Variants in DCAF17 observed in about 807,000 individuals in gnomAD.
The protein encoded by DCAF17 is DDB1 and CUL4 associated factor 17.
In DCAF17, 48 loss-of-function variants were observed where a neutral mutation model predicts 66.0. The ratio of observed to expected loss-of-function variants is 0.73; its 90% CI spans 0.58 to 0.92. The LOEUF is 0.92. DCAF17 is among the 40% of genes least tolerant of loss of function. The probability of loss-of-function intolerance (pLI) is 0.00; values close to 1 mark genes in which losing one functional copy is unlikely to be tolerated. For missense variants in DCAF17, 562 were observed against 622.8 expected (o/e 0.90, Z 1.04); for synonymous variants, 206 against 214.6 (o/e 0.96, Z 0.35).
intron 9 of DCAF17, chr2:171,472,963 A>G (rs1309520390): frequency 7.0e-6 from 2 of 283,780 alleles, no homozygotes; most frequent in Admixed American, 5.1e-5. Flanking sequence ...AAGGTAATAC[A>G]TTTGTGTACA....
chr2:171,476,402 G>A (rs1267884684), intron 10 of DCAF17, among the ~76,000 whole-genome samples: 1 of 152,042 alleles, frequency 6.6e-6, no homozygotes, highest in African/African-American at 2.4e-5. Context: ...TTCTATTTAG[G>A]TATAGATTTA....
intron 9 of DCAF17, among the ~76,000 whole-genome samples, chr2:171,469,599 G>C (rs1696123780): frequency 6.6e-6 from 1 of 152,152 alleles, no homozygotes; most frequent in Non-Finnish European, 1.5e-5. Context: ...CTTAGGCGTT[G>C]ATTTGTCATT....
chr2:171,458,124 C>G lies in DCAF17; in HGVS notation c.732+49C>G, dbSNP rs531473523. ...TGTTACTATTAGCATGAGTTTTCGA[C>G]TAAAGTATGATTTTTTTTTTTAGTG... is the stretch of plus-strand genomic sequence containing the variant. On this transcript the variant is annotated intron_variant, in intron 7 of 13. Coordinates refer to ENST00000375255, the MANE Select transcript of DCAF17 (RefSeq NM_025000.4). 4 of 1,513,052 alleles carry G rather than the reference C, an allele frequency of 2.6e-6. No homozygotes were observed. In the African/African-American group the frequency reaches 4.2e-5, roughly 16 times the overall value. The allele number at this position is 1,513,052 out of a possible 1,614,324, so 93.7% of individuals were successfully genotyped here.
At position 171,481,117 on chromosome 2, in the gene DCAF17, AGAGT is replaced by A; in HGVS notation, c.*7_*10del. ...AAACCATAAACAGAAGCTGTTAAAA[AGAGT>A]GAGATAATTGTAACCTAAGAGACTT... On this transcript the variant is annotated 3_prime_UTR_variant, in exon 14 of 14. Transcript: ENST00000375255. 3 of 1,613,522 alleles carry A rather than the reference AGAGT, an allele frequency of 1.9e-6. No homozygotes were observed. Among genetic ancestry groups the A allele is most frequent in the Non-Finnish European group, 2.5e-6 (3 of 1,179,498 alleles).
At chr2:171,435,777 A>G (rs763441128) in intron 2 of DCAF17, among the ~76,000 whole-genome samples, 2 of 152,132 alleles carry the variant, frequency 1.3e-5, no homozygotes, top group Non-Finnish European at 2.9e-5. Flanking sequence ...GCATATTCTA[A>G]ACATACATCA....
chr2:171,458,134 A>ATTT, intron 7 of DCAF17, 59 bp downstream of exon 7: 18 of 1,267,880 alleles, frequency 1.4e-5, no homozygotes, highest in Admixed American at 1.8e-5. Context: ...CTAAAGTATG[A>ATTT]TTTTTTTTTT....
intron 2 of DCAF17, among the ~76,000 whole-genome samples, chr2:171,441,539 A>T (rs62183493): frequency 0.2 from 30,645 of 152,078 alleles, 3,234 homozygotes; most frequent in South Asian, 0.28. Context: ...CTGACCCAAT[A>T]CTCAGCCCCA....
intron 6 of DCAF17, among the ~76,000 whole-genome samples, chr2:171,457,288 G>GT (rs1695314983): frequency 6.6e-6 from 1 of 152,156 alleles, no homozygotes; most frequent in South Asian, 2.1e-4. Context: ...GTAATAAACT[G>GT]TTTCTATTTA....
intron 9 of DCAF17, 79 bp downstream of exon 9, chr2:171,469,109 C>G: frequency 6.7e-7 from 1 of 1,493,512 alleles, no homozygotes; most frequent in East Asian, 2.3e-5. Context: ...GGCCCACATT[C>G]CTAAGAATTA....
intron 3 of DCAF17, 107 bp from the exon 4 acceptor site, chr2:171,448,574 T>G: frequency 9.8e-7 from 1 of 1,019,554 alleles, no homozygotes; most frequent in Admixed American, 3.1e-5. Flanking sequence ...CTTTTGTGGT[T>G]TATTTATTTG....
intron 11 of DCAF17, among the ~76,000 whole-genome samples, chr2:171,477,346 A>C (rs1272624421): frequency 2.0e-5 from 3 of 152,210 alleles, no homozygotes; most frequent in African/African-American, 7.2e-5. Flanking sequence ...CACAAAGAAA[A>C]TTATGGGGAG....
rs1412719206 is a variant in DCAF17, at chr2:171,481,209, G to A, written c.*95G>A. 2 of 1,529,810 alleles carry A rather than the reference G, an allele frequency of 1.3e-6. No individual in the cohort carries two copies. Among genetic ancestry groups the A allele is most frequent in the Admixed American group, 3.4e-5 (2 of 59,280 alleles). 94.8% of individuals were successfully genotyped at this position (1,529,810 alleles called of 1,614,324 possible). A position where few individuals can be genotyped will look rare whatever the true frequency, so the allele number is the denominator to read the frequency against. The stretch of plus-strand genomic sequence containing the variant: ...TATTATCTGCATGGCACATTCTCCA[G>A]TATTTTCCAAAAAAGTCTTGTGTTG... On this transcript the variant is annotated 3_prime_UTR_variant, in exon 14 of 14. Transcript: ENST00000375255.
At position 171,483,111 on chromosome 2, in the gene DCAF17, A is replaced by G. The variant is rs1399377612; in HGVS notation, c.*1997A>G. On this transcript the variant is annotated 3_prime_UTR_variant, in exon 14 of 14. Transcript: ENST00000375255. ...AAAGATGCCAGAAGATACAGAAGAT[A>G]GCAAAGAATGTGGGGAATTTGGATA... The G allele has an allele frequency of 4.4e-6, 2 of 454,142 alleles. No homozygotes were observed. The highest frequency in any genetic ancestry group is 1.6e-5 in the South Asian group (1 of 64,478). 28.1% of individuals were successfully genotyped at this position (454,142 alleles called of 1,614,324 possible).
intron 2 of DCAF17, among the ~76,000 whole-genome samples, 176 bp downstream of exon 2, chr2:171,435,362 G>C (rs1424728314): frequency 6.6e-6 from 1 of 152,172 alleles, no homozygotes; most frequent in Non-Finnish European, 1.5e-5. Flanking sequence ...TAAATCTAAA[G>C]TTGCAGGTGT....
rs560378979 is a variant in DCAF17 at position 171,453,556 on chromosome 2, A to G, written c.627+343A>G. Among the ~76,000 whole-genome samples the G allele has an allele frequency of 7.2e-4, 109 of 152,302 alleles. 1 individual carries two copies. The highest frequency in any genetic ancestry group is 4.4e-3 in the Admixed American group (68 of 15,302). On this transcript the variant is annotated intron_variant, in intron 6 of 13. Coordinates refer to ENST00000375255, the MANE Select transcript of DCAF17 (RefSeq NM_025000.4). ...TAAAGGAAGGTGAAAAGTTGCAACAAAATATTTCATTTTAATTGCAAGATA... is the reference window on the plus strand; with the variant it reads ...TAAAGGAAGGTGAAAAGTTGCAACAGAATATTTCATTTTAATTGCAAGATA...
rs1559299470 is a variant in DCAF17 at position 171,483,878 on chromosome 2, G to A, written c.*2764G>A. 8.8e-6 allele frequency: 4 copies of A among 453,980 alleles called. No homozygotes were observed. Among genetic ancestry groups the A allele is most frequent in the East Asian group, 6.9e-5 (1 of 14,392 alleles). 28.1% of individuals were successfully genotyped at this position (453,980 alleles called of 1,614,324 possible). ...GTGGGAAACATAACCAGATTTGTTC[G>A]GCATGAACTTGTGCCAAATTTCCTC... On this transcript the variant is annotated 3_prime_UTR_variant, in exon 14 of 14. Coordinates refer to ENST00000375255, the MANE Select transcript of DCAF17 (RefSeq NM_025000.4).
rs1461029716 is a variant in DCAF17, at chr2:171,452,906, G to A, written c.538-218G>A. Among the ~76,000 whole-genome samples the A allele has an allele frequency of 2.6e-5, 4 of 152,036 alleles. No individual in the cohort carries two copies. The East Asian group carries it at 5.8e-4, about 22-fold the overall frequency. ...TATGGATTTTTGTCTGTATATATGC[G>A]CATGTGTGTCTGAAGGGCTGAAGCT... is the stretch of plus-strand genomic sequence containing the variant. On this transcript the variant is annotated intron_variant, in intron 5 of 13. Coordinates refer to ENST00000375255, the MANE Select transcript of DCAF17 (RefSeq NM_025000.4).
In DCAF17 at chr2:171,484,618, G is replaced by T; in HGVS notation, c.*3504G>T. On this transcript the variant is annotated 3_prime_UTR_variant, in exon 14 of 14. Coordinates refer to ENST00000375255, the MANE Select transcript of DCAF17 (RefSeq NM_025000.4). ...ATTTAAGATTTACCTGCAATAAAAT[G>T]TACAAATCTTAAGTATAAATTTACT... The T allele has an allele frequency of 2.2e-6, 1 of 452,906 alleles. No individual in the cohort carries two copies. The highest frequency in any genetic ancestry group is 4.4e-6 in the Non-Finnish European group (1 of 226,484). The allele number at this position is 452,906 out of a possible 1,614,324, so 28.1% of individuals were successfully genotyped here.
chr2:171,483,354 A>G lies in DCAF17; in HGVS notation c.*2240A>G, dbSNP rs1274272098. 4.4e-6 allele frequency: 2 copies of G among 454,150 alleles called. No individual in the cohort carries two copies. The highest frequency in any genetic ancestry group is 4.7e-5 in the Admixed American group (2 of 42,580). 28.1% of individuals were successfully genotyped at this position (454,150 alleles called of 1,614,324 possible). On this transcript the variant is annotated 3_prime_UTR_variant, in exon 14 of 14. Transcript: ENST00000375255. ...TATGGGTAACAATTCTGAGTGTTTA[A>G]TGCAAGCCCAGGTGAAGCAGGGTAG...
Sources: gnomAD v4.1 joint callset for allele counts (sites outside exome capture counted in the v4.1 genomes callset) on GRCh38, gnomAD v4.1.1 for gene constraint, MANE v1.5 for transcripts, NCBI Gene and HGNC (gene_info 2026-07-23, HGNC 2026-07-21) for gene names.